Variants in ADCY8 observed in about 807,000 individuals in gnomAD.
The protein encoded by ADCY8 is adenylate cyclase 8.
A neutral mutation model predicts 119.7 loss-of-function variants in ADCY8; 51 were observed. The observed-to-expected ratio is 0.43, with a 90% confidence interval of 0.34 to 0.54. The LOEUF is 0.54. ADCY8 is among the 20% of genes least tolerant of loss of function. ADCY8 has a pLI of 0.03. For synonymous variants in ADCY8, 665 were observed against 651.0 expected, an observed-to-expected ratio of 1.02 and a Z score of -0.33; for missense variants, 1,383 against 1,598.8, an observed-to-expected ratio of 0.87 and a Z score of 2.30.
chr8:130,897,298 AG>A lies in ADCY8; in HGVS notation c.1911+6473del, dbSNP rs1819427456. ...TAATAAATACAGAGAACAAGATCTAAGAAAAGTCCCAGCTGGAATTGGTGAA... is the reference window on the plus strand; with the variant it reads ...TAATAAATACAGAGAACAAGATCTAAAAAAGTCCCAGCTGGAATTGGTGAA... On this transcript the variant is annotated intron_variant, in intron 7 of 17. Coordinates refer to ENST00000286355, the MANE Select transcript of ADCY8 (RefSeq NM_001115.3). Among the ~76,000 whole-genome samples the A allele has an allele frequency of 2.0e-5, 3 of 152,118 alleles. 1 individual carries two copies. The South Asian group carries it at 6.2e-4, about 31-fold the overall frequency.
rs1445151972 is a variant in ADCY8, at chr8:130,909,613, G to T, written c.1640+95C>A. ...TCTCCTTCCAAATAATTGCTTCCTA[G>T]ATCTAACCCTGAATTTCTGTACACA... is the stretch of plus-strand genomic sequence containing the variant. On this transcript the variant is annotated intron_variant, in intron 6 of 17. Coordinates refer to ENST00000286355, the MANE Select transcript of ADCY8 (RefSeq NM_001115.3). The T allele has an allele frequency of 2.8e-6, 4 of 1,452,368 alleles. No individual in the cohort carries two copies. The African/African-American group carries it at 4.2e-5, about 15-fold the overall frequency. The allele number at this position is 1,452,368 out of a possible 1,614,324, so 90.0% of individuals were successfully genotyped here.
In ADCY8 at chr8:131,017,478, T is replaced by G. The variant is rs377558618; in HGVS notation, c.960+21896A>C. Among the ~76,000 whole-genome samples, 119 of 152,308 alleles carry G rather than the reference T, an allele frequency of 7.8e-4. 4 individuals carry two copies. In the South Asian group the frequency reaches 0.024, roughly 31 times the overall value. ...TATCCTAAGTCCTTGTCTCCACACA[T>G]TGGCTTGTGAATTTAAGTACAGGAA... On this transcript the variant is annotated intron_variant, in intron 1 of 17. Transcript: ENST00000286355.
intron 11 of ADCY8, among the ~76,000 whole-genome samples, chr8:130,837,324 C>G (rs1308178360): frequency 6.6e-6 from 1 of 152,162 alleles, no homozygotes; most frequent in Non-Finnish European, 1.5e-5. Flanking sequence ...CTTTCATTCT[C>G]TAAACCCTTC....
At chr8:130,881,801 A>C (rs780361260) in intron 8 of ADCY8, among the ~76,000 whole-genome samples, 10 of 152,090 alleles carry the variant, frequency 6.6e-5, no homozygotes, top group Non-Finnish European at 1.3e-4. Flanking sequence ...TGTGGTCACC[A>C]GGTGGCAATA....
At chr8:130,816,771 T>TAAA (rs1816360963) in intron 13 of ADCY8, among the ~76,000 whole-genome samples, 3 of 152,184 alleles carry the variant, frequency 2.0e-5, no homozygotes, top group Admixed American at 6.5e-5. Context: ...CATTTTACAT[T>TAAA]TTATAAAATG....
chr8:130,910,450 C>T, intron 5 of ADCY8, among the ~76,000 whole-genome samples: 1 of 152,056 alleles, frequency 6.6e-6, no homozygotes, highest in South Asian at 2.1e-4. Context: ...AGTCTGGGAT[C>T]CCTGCCTCAG....
At chr8:130,876,578 A>C (rs546621756) in intron 8 of ADCY8, among the ~76,000 whole-genome samples, 1 of 152,188 alleles carries the variant, frequency 6.6e-6, no homozygotes, top group East Asian at 1.9e-4. Flanking sequence ...AGTTAGGGTG[A>C]TAGAGTTGCC....
chr8:130,822,544 ATCCATCC>A (rs1563679240), intron 12 of ADCY8, among the ~76,000 whole-genome samples: 16 of 49,370 alleles, frequency 3.2e-4, no homozygotes, highest in African/African-American at 4.2e-4. Context: ...GAATCCATCC[ATCCATCC>A]ATCCATCCAT....
At chr8:130,847,921 T>C (rs551833149) in intron 10 of ADCY8, among the ~76,000 whole-genome samples, 1 of 152,252 alleles carries the variant, frequency 6.6e-6, no homozygotes, top group African/African-American at 2.4e-5. Context: ...GGGGTACATT[T>C]TCCAGAAAGA....
At chr8:130,892,689 T>C in intron 7 of ADCY8, 1 of 152,452 alleles carries the variant, frequency 6.6e-6, no homozygotes, top group Non-Finnish European at 1.5e-5. Context: ...TCCTGGGTCA[T>C]GGCTTTAGAC....
chr8:131,015,175 G>A (rs1323361935), intron 1 of ADCY8, among the ~76,000 whole-genome samples: 1 of 152,188 alleles, frequency 6.6e-6, no homozygotes, highest in Non-Finnish European at 1.5e-5. Flanking sequence ...CTGAGGATAT[G>A]TCAGTCATCA....
chr8:130,899,956 TC>T (rs1252042922), intron 7 of ADCY8, among the ~76,000 whole-genome samples: 1 of 152,192 alleles, frequency 6.6e-6, no homozygotes, highest in African/African-American at 2.4e-5. Flanking sequence ...ATCATCTCCT[TC>T]TACTTTTTAA....
At chr8:130,848,045 C>T (rs1197724986) in intron 10 of ADCY8, among the ~76,000 whole-genome samples, 1 of 152,216 alleles carries the variant, frequency 6.6e-6, no homozygotes, top group Non-Finnish European at 1.5e-5. Flanking sequence ...GTGCCAGACA[C>T]TTTGTACAAA....
chr8:130,784,987 A>C (rs1031114514), intron 16 of ADCY8, among the ~76,000 whole-genome samples: 3 of 152,228 alleles, frequency 2.0e-5, no homozygotes, highest in African/African-American at 7.2e-5. Flanking sequence ...CCTGGAACAC[A>C]GTCAACACTC....
chr8:130,884,439 C>T (rs1818900206), intron 8 of ADCY8, 125 bp downstream of exon 8: 3 of 1,006,806 alleles, frequency 3.0e-6, no homozygotes, highest in East Asian at 4.8e-5. Flanking sequence ...AAAGACAGTA[C>T]CAAACCAAAC....
At chr8:130,932,380 G>T (rs1820655925) in intron 5 of ADCY8, among the ~76,000 whole-genome samples, 1 of 152,122 alleles carries the variant, frequency 6.6e-6, no homozygotes, top group Non-Finnish European at 1.5e-5. Context: ...CTTAGTCTGT[G>T]GGTACCAGCC....
intron 2 of ADCY8, among the ~76,000 whole-genome samples, chr8:130,979,885 A>T (rs1412053231): frequency 6.6e-6 from 1 of 152,228 alleles, no homozygotes; most frequent in Non-Finnish European, 1.5e-5. Context: ...CTTCATTCTA[A>T]CAGCAATAGG....
At chr8:130,910,913 TGTA>T (rs1819961085) in intron 5 of ADCY8, among the ~76,000 whole-genome samples, 1 of 148,270 alleles carries the variant, frequency 6.7e-6, no homozygotes, top group South Asian at 2.2e-4. Flanking sequence ...GATAATACTT[TGTA>T]GTAGAATTAC....
intron 6 of ADCY8, among the ~76,000 whole-genome samples, chr8:130,907,455 T>C (rs1415928751): frequency 6.6e-6 from 1 of 152,230 alleles, no homozygotes; most frequent in Non-Finnish European, 1.5e-5. Context: ...ATGCCATGGC[T>C]AAGCAGAGAT....
Sources: gnomAD v4.1 joint callset for allele counts (sites outside exome capture counted in the v4.1 genomes callset) on GRCh38, gnomAD v4.1.1 for gene constraint, MANE v1.5 for transcripts, NCBI Gene and HGNC (gene_info 2026-07-23, HGNC 2026-07-21) for gene names.